ATRNL1: variants seen among roughly 807,000 people sequenced by gnomAD.
ATRNL1 encodes attractin like 1.
In ATRNL1, 95 loss-of-function variants were observed where a neutral mutation model predicts 182.7. The observed-to-expected ratio is 0.52, with a 90% CI of 0.44 to 0.62. The LOEUF (loss-of-function observed/expected upper bound fraction) is 0.62. Among genes scored for constraint, ATRNL1 ranks in the 20% least tolerant of loss-of-function variants. The probability of loss-of-function intolerance (pLI) is 0.00; values close to 1 mark genes in which losing one functional copy is unlikely to be tolerated. For missense variants in ATRNL1, 1,471 were observed against 1,679.5 expected, an observed-to-expected ratio of 0.88 and a Z score of 2.17; for synonymous variants, 576 against 568.3, an observed-to-expected ratio of 1.01 and a Z score of -0.19.
intron 28 of ATRNL1, among the ~76,000 whole-genome samples, chr10:115,917,767 T>G (rs1325693704): frequency 6.6e-6 from 1 of 152,186 alleles, no homozygotes; most frequent in Non-Finnish European, 1.5e-5. Context: ...AAGGAAAATT[T>G]TCTGCAGGGC....
chr10:115,247,340 T>C (rs1045176503), intron 10 of ATRNL1, among the ~76,000 whole-genome samples: 1 of 152,126 alleles, frequency 6.6e-6, no homozygotes, highest in African/African-American at 2.4e-5. Flanking sequence ...ACAATCCATT[T>C]TGCAAATGTT....
intron 15 of ATRNL1, among the ~76,000 whole-genome samples, chr10:115,287,537 G>A (rs890675917): frequency 1.3e-5 from 2 of 151,904 alleles, no homozygotes; most frequent in African/African-American, 4.8e-5. Flanking sequence ...TCTATGGTAA[G>A]TACATTTTTT....
chr10:115,481,649 T>C (rs1435163685), intron 24 of ATRNL1, among the ~76,000 whole-genome samples: 2 of 150,978 alleles, frequency 1.3e-5, no homozygotes, highest in East Asian at 3.9e-4. Context: ...TTTATTAGTA[T>C]TAATATTAAG....
chr10:115,484,231 C>T (rs1375112491), intron 24 of ATRNL1, among the ~76,000 whole-genome samples: 1 of 150,942 alleles, frequency 6.6e-6, no homozygotes, highest in Non-Finnish European at 1.5e-5. Flanking sequence ...TTACCAAATG[C>T]TGTTATTAAA....
chr10:115,566,643 C>T (rs1169591637), intron 26 of ATRNL1, among the ~76,000 whole-genome samples: 1 of 151,996 alleles, frequency 6.6e-6, no homozygotes, highest in Non-Finnish European at 1.5e-5. Flanking sequence ...TAAATTATAA[C>T]CTCTATGGAC....
chr10:115,568,128 C>T (rs569896018), intron 26 of ATRNL1, among the ~76,000 whole-genome samples: 113 of 152,088 alleles, frequency 7.4e-4, no homozygotes, highest in African/African-American at 2.6e-3. Context: ...AATGTAGGTA[C>T]GTAGAATCAT....
intron 5 of ATRNL1, among the ~76,000 whole-genome samples, chr10:115,150,714 A>AT (rs1243831704): frequency 6.6e-6 from 1 of 151,488 alleles, no homozygotes; most frequent in Admixed American, 6.6e-5. Flanking sequence ...TGATTTTTAA[A>AT]TTTTTTTTGA....
At position 115,183,439 on chromosome 10, in the gene ATRNL1, A is replaced by G. The variant is rs188119442; in HGVS notation, c.1348+12147A>G. Among the ~76,000 whole-genome samples the G allele has an allele frequency of 6.5e-3, 987 of 151,586 alleles. 11 individuals carry two copies. The highest frequency in any genetic ancestry group is 0.022 in the African/African-American group (934 of 41,540). ...AAACAGATTAATTTTTTTGAAAAAA[A>G]CAGAGAAGCCAGCAGCTCATTTAAT... is the stretch of plus-strand genomic sequence containing the variant. On this transcript the variant is annotated intron_variant, in intron 8 of 28. Coordinates refer to ENST00000355044, the MANE Select transcript of ATRNL1 (RefSeq NM_207303.4).
At chr10:115,458,174 A>G (rs1172654126) in intron 21 of ATRNL1, among the ~76,000 whole-genome samples, 1 of 152,170 alleles carries the variant, frequency 6.6e-6, no homozygotes, top group African/African-American at 2.4e-5. Context: ...TAAGAAGTTC[A>G]GAGCATATTT....
chr10:115,155,748 A>G (rs1224230706), intron 5 of ATRNL1, among the ~76,000 whole-genome samples: 2 of 152,190 alleles, frequency 1.3e-5, no homozygotes, highest in African/African-American at 4.8e-5. Context: ...TAGTAGGGGA[A>G]TGATAGGAGT....
chr10:115,533,643 T>C (rs1239003820), intron 25 of ATRNL1, among the ~76,000 whole-genome samples: 11 of 152,120 alleles, frequency 7.2e-5, no homozygotes, highest in Non-Finnish European at 1.5e-4. Flanking sequence ...TGCCTTCTGC[T>C]AGGTTTTGAA....
intron 27 of ATRNL1, among the ~76,000 whole-genome samples, chr10:115,740,453 T>C (rs554506137): frequency 6.6e-6 from 1 of 152,232 alleles, no homozygotes; most frequent in South Asian, 2.1e-4. Context: ...GAGGATCATA[T>C]GAGGCCAGAA....
chr10:115,504,619 T>C (rs1850014501), intron 24 of ATRNL1, among the ~76,000 whole-genome samples: 1 of 152,118 alleles, frequency 6.6e-6, no homozygotes, highest in Non-Finnish European at 1.5e-5. Context: ...ATTACTTGAA[T>C]AATAAATACA....
In ATRNL1 at chr10:115,586,871, G is replaced by T. The variant is rs201515397; in HGVS notation, c.3795+37335G>T. 4.9e-5 allele frequency among the ~76,000 whole-genome samples: 4 copies of T among 81,320 alleles called. 1 individual carries two copies. The highest frequency in any genetic ancestry group is 1.1e-4 in the Non-Finnish European group (4 of 35,416). The allele number at this position is 81,320 out of a possible 152,430, so 53.3% of individuals were successfully genotyped here. On this transcript the variant is annotated intron_variant, in intron 26 of 28. Transcript: ENST00000355044. The stretch of plus-strand genomic sequence containing the variant: ...CCAGTTTTTCTGCTCTGTTTTTTCC[G>T]CATCTTTGTGGTTTTATCTACTTTT...
At chr10:115,468,183 A>C (rs920939150) in intron 23 of ATRNL1, among the ~76,000 whole-genome samples, 7 of 150,780 alleles carry the variant, frequency 4.6e-5, no homozygotes, top group African/African-American at 1.7e-4. Flanking sequence ...GGTTTCATTA[A>C]GGAAAAATTC....
At chr10:115,582,147 T>C (rs9787571) in intron 26 of ATRNL1, among the ~76,000 whole-genome samples, 74,110 of 151,600 alleles carry the variant, frequency 0.49, 19,274 homozygotes, top group East Asian at 0.84. Context: ...TCTATCATTG[T>C]TGGGCATTTG....
rs558403526 is a variant in ATRNL1, at chr10:115,851,121, A to T, written c.4018+3130A>T. Among the ~76,000 whole-genome samples the T allele has an allele frequency of 3.7e-3, 553 of 151,162 alleles. 3 individuals are homozygous for T. The highest frequency in any genetic ancestry group is 0.012 in the African/African-American group (513 of 41,290). Reference sequence around the variant, plus strand: ...CTTGTTTGAAATGTAGCTTACTAAAATTTTTTTTTTATCAGGCTCCTTGTT... The same window carrying T: ...CTTGTTTGAAATGTAGCTTACTAAATTTTTTTTTTTATCAGGCTCCTTGTT... On this transcript the variant is annotated intron_variant, in intron 28 of 28. Coordinates refer to ENST00000355044, the MANE Select transcript of ATRNL1 (RefSeq NM_207303.4).
intron 28 of ATRNL1, among the ~76,000 whole-genome samples, chr10:115,911,165 A>AT (rs1555115823): frequency 6.6e-6 from 1 of 151,648 alleles, no homozygotes; most frequent in African/African-American, 2.4e-5. Flanking sequence ...TGCTCAGCTA[A>AT]TTTTTTGTAT....
intron 26 of ATRNL1, among the ~76,000 whole-genome samples, chr10:115,584,686 C>T (rs1296650612): frequency 6.6e-6 from 1 of 151,454 alleles, no homozygotes; most frequent in Non-Finnish European, 1.5e-5. Context: ...TTTGTTGATC[C>T]TTTCAAAAAA....
Sources: gnomAD v4.1 joint callset for allele counts (sites outside exome capture counted in the v4.1 genomes callset) on GRCh38, gnomAD v4.1.1 for gene constraint, MANE v1.5 for transcripts, NCBI Gene and HGNC (gene_info 2026-07-23, HGNC 2026-07-21) for gene names.